POLN: variants seen among roughly 807,000 people sequenced by gnomAD.
POLN encodes the protein DNA polymerase nu.
In POLN, 108 loss-of-function variants were observed where a neutral mutation model predicts 113.5. The ratio of observed to expected loss-of-function variants is 0.95; its 90% CI spans 0.81 to 1.12. The LOEUF (loss-of-function observed/expected upper bound fraction) is 1.12, where lower values mean the gene tolerates loss of function less well. Ranked by LOEUF, POLN falls within the 50% of genes most tolerant of loss-of-function variation. The pLI, the probability that POLN is intolerant of heterozygous loss-of-function variation, is 0.00. For missense variants in POLN, 1,097 were observed against 1,077.1 expected, an observed-to-expected ratio of 1.02 and a Z score of -0.26; for synonymous variants, 386 against 391.5, an observed-to-expected ratio of 0.99 and a Z score of 0.17.
chr4:2,110,378 A>G (rs949179559), intron 19 of POLN, among the ~76,000 whole-genome samples: 2 of 152,222 alleles, frequency 1.3e-5, no homozygotes, highest in Non-Finnish European at 2.9e-5. Context: ...AAGGCAAGAA[A>G]TAACTAAGAT....
At position 2,159,202 on chromosome 4, in the gene POLN, G is replaced by A. The variant is rs201765272; in HGVS notation, c.1564C>T (p.Leu522=). 7 of 1,606,888 alleles carry A rather than the reference G, an allele frequency of 4.4e-6. No homozygotes were observed. In the African/African-American group the frequency reaches 9.4e-5, roughly 21 times the overall value. ...TTGGGTAATGGATGAAGGTCTCGCA[G>A]AGCATTTAACTAAACATGAAAATAG... ...PSTSEAVLNA[L]RDLHPLPKII... The change falls in exon 14 of 26, where the codon CTG becomes TTG. Residue 522 remains leucine, a synonymous_variant. Transcript: ENST00000511885.
intron 2 of POLN, chr4:2,240,786 GACAAC>G: frequency 1.2e-6 from 2 of 1,613,846 alleles, no homozygotes; most frequent in Non-Finnish European, 1.7e-6. Context: ...TTCTCTTTCA[GACAAC>G]ACGTTCTGTT....
chr4:2,153,428 T>C (rs994557362), intron 16 of POLN, among the ~76,000 whole-genome samples: 14 of 152,168 alleles, frequency 9.2e-5, no homozygotes, highest in Admixed American at 9.2e-4. Flanking sequence ...ATCCCACTTA[T>C]GTAAATGTGT....
chr4:2,160,358 TG>T (rs1282445117), intron 13 of POLN, among the ~76,000 whole-genome samples: 13 of 152,228 alleles, frequency 8.5e-5, no homozygotes, highest in Non-Finnish European at 1.9e-4. Context: ...TTTTTTGGTC[TG>T]TTATATTTAT....
chr4:2,083,440 G>A (rs1316962158), intron 21 of POLN, among the ~76,000 whole-genome samples: 3 of 152,156 alleles, frequency 2.0e-5, no homozygotes, highest in South Asian at 2.1e-4. Flanking sequence ...TGTTGGAAAC[G>A]GCTGCTCCAG....
At chr4:2,073,323 C>T (rs191538284) in intron 24 of POLN, among the ~76,000 whole-genome samples, 1 of 152,350 alleles carries the variant, frequency 6.6e-6, no homozygotes, top group Admixed American at 6.5e-5. Flanking sequence ...GCCCACCACA[C>T]TGCACTGGCC....
At chr4:2,193,568 A>G (rs1733506288) in intron 6 of POLN, among the ~76,000 whole-genome samples, 1 of 152,094 alleles carries the variant, frequency 6.6e-6, no homozygotes, top group Non-Finnish European at 1.5e-5. Context: ...ACACCCCATT[A>G]CCTGTAGAAT....
chr4:2,087,713 T>C (rs1730582091), intron 20 of POLN, among the ~76,000 whole-genome samples: 1 of 152,232 alleles, frequency 6.6e-6, no homozygotes, highest in African/African-American at 2.4e-5. Flanking sequence ...GATTGCCTTC[T>C]CTCTTGAGTA....
At chr4:2,095,985 C>A in intron 19 of POLN, 52 bp from the exon 20 acceptor site, 1 of 1,482,094 alleles carries the variant, frequency 6.7e-7, no homozygotes, top group Admixed American at 1.7e-5. Context: ...ACTGTCAGTG[C>A]AGGGCAGACA....
rs1730721021 is a variant in POLN at position 2,093,889 on chromosome 4, C to A, written c.2065+1962G>T. Among the ~76,000 whole-genome samples, 2 of 152,192 alleles carry A rather than the reference C, an allele frequency of 1.3e-5. No homozygotes were observed. Among genetic ancestry groups the A allele is most frequent in the Admixed American group, 6.5e-5 (1 of 15,278 alleles). On this transcript the variant is annotated intron_variant, in intron 20 of 25. Coordinates refer to ENST00000511885, the MANE Select transcript of POLN (RefSeq NM_181808.4). The surrounding 1 kb of genome is among the most constrained non-coding windows in gnomAD (Gnocchi z 4.1). ...GACCACCAAGTCCACTAATTTGTTCCTGTGTCTTCTCTGTGCCAGGCAGTG... is the reference window on the plus strand; with the variant it reads ...GACCACCAAGTCCACTAATTTGTTCATGTGTCTTCTCTGTGCCAGGCAGTG...
At chr4:2,241,411 A>C in intron 2 of POLN, 109 bp downstream of exon 2, 1 of 801,070 alleles carries the variant, frequency 1.2e-6, no homozygotes, top group Non-Finnish European at 1.5e-6. Context: ...AATGGATCCA[A>C]ACAAACCCAA....
chr4:2,079,587 T>C (rs1281286391), intron 23 of POLN: 5 of 985,016 alleles, frequency 5.1e-6, no homozygotes, highest in Non-Finnish European at 4.8e-6. Flanking sequence ...TGAGAGTGAA[T>C]CTTATTTTTT....
intron 2 of POLN, chr4:2,240,217 G>A (rs1734923933): frequency 6.2e-7 from 1 of 1,613,766 alleles, no homozygotes; most frequent in Non-Finnish European, 8.5e-7. Context: ...GATGGTGTCT[G>A]TATATCTAAA....
intron 2 of POLN, chr4:2,240,135 C>A: frequency 6.2e-7 from 1 of 1,613,930 alleles, no homozygotes; most frequent in Non-Finnish European, 8.5e-7. Flanking sequence ...ATGTTGAGCA[C>A]AAATGTATGC....
At chr4:2,102,648 G>A (rs1210379360) in intron 19 of POLN, among the ~76,000 whole-genome samples, 1 of 152,202 alleles carries the variant, frequency 6.6e-6, no homozygotes, top group Non-Finnish European at 1.5e-5. Flanking sequence ...GCCAGCATAT[G>A]TTGTCCCAGG....
At chr4:2,107,992 C>G (rs928711671) in intron 19 of POLN, among the ~76,000 whole-genome samples, 1 of 151,820 alleles carries the variant, frequency 6.6e-6, no homozygotes, top group Non-Finnish European at 1.5e-5. Flanking sequence ...TTCATCCGAG[C>G]GCTTTGCACC....
At chr4:2,189,696 A>G (rs1000028922) in intron 7 of POLN, among the ~76,000 whole-genome samples, 1 of 151,486 alleles carries the variant, frequency 6.6e-6, no homozygotes, top group Non-Finnish European at 1.5e-5. Flanking sequence ...GAGTCAATGC[A>G]ATCTCTATCA....
chr4:2,213,657 G>A (rs1345137507), intron 3 of POLN, among the ~76,000 whole-genome samples: 2 of 152,016 alleles, frequency 1.3e-5, no homozygotes, highest in Admixed American at 6.6e-5. Flanking sequence ...TTCCTCTGCA[G>A]GAACAATAAC....
At chr4:2,202,119 A>C (rs1733730184) in intron 5 of POLN, among the ~76,000 whole-genome samples, 1 of 152,190 alleles carries the variant, frequency 6.6e-6, no homozygotes, top group Non-Finnish European at 1.5e-5. Flanking sequence ...TACAATTAAA[A>C]AAACAAAACA....
Sources: gnomAD v4.1 joint callset for allele counts (sites outside exome capture counted in the v4.1 genomes callset) on GRCh38, gnomAD v4.1.1 for gene constraint, Gnocchi (gnomAD v3.1) non-coding constraint, MANE v1.5 for transcripts, NCBI Gene and HGNC (gene_info 2026-07-23, HGNC 2026-07-21) for gene names.